The following MAPRE2 variants were observed in gnomAD, a reference collection of about 807,000 sequenced individuals.
The protein encoded by MAPRE2 is microtubule-associated protein RP/EB family member 2.
MAPRE2 carries 13 observed loss-of-function variants against 43.2 expected under a neutral mutation model. The ratio of observed to expected loss-of-function variants is 0.30; its 90% confidence interval spans 0.20 to 0.48. The LOEUF (loss-of-function observed/expected upper bound fraction) is 0.48. MAPRE2 is among the 20% of genes least tolerant of loss of function. The pLI is 0.99. For synonymous variants in MAPRE2, 135 were observed against 148.8 expected (o/e 0.91, Z 0.68); for missense variants, 161 against 400.2 (o/e 0.40, Z 5.10).
upstream of MAPRE2, chr18:35,041,370 AGAGGGCGGGGCCGCAG>A: frequency 6.9e-7 from 1 of 1,457,300 alleles, no homozygotes. Flanking sequence ...GTCAGCTGCC[AGAGGGCGGGGCCGCAG>A]GAGGGCGGGG....
intron 6 of MAPRE2, 60 bp downstream of exon 6, chr18:35,132,250 G>A: frequency 6.5e-7 from 1 of 1,527,650 alleles, no homozygotes; most frequent in Non-Finnish European, 9.0e-7. Flanking sequence ...TCAAAACACA[G>A]TAGATCAGCA....
At chr18:35,048,448 A>T (rs1905750023) in intron 1 of MAPRE2, among the ~76,000 whole-genome samples, 1 of 151,714 alleles carries the variant, frequency 6.6e-6, no homozygotes, top group South Asian at 2.1e-4. Context: ...ATACATATGT[A>T]CACTATAGAA....
At chr18:34,993,255 C>CGTTTT (rs1389165650) in intron 1 of MAPRE2, among the ~76,000 whole-genome samples, 1 of 130,074 alleles carries the variant, frequency 7.7e-6, no homozygotes, top group African/African-American at 2.9e-5. Flanking sequence ...CCATTCCCGC[C>CGTTTT]TTTTTTTTTT....
chr18:34,996,489 T>C (rs1277581966), intron 1 of MAPRE2, among the ~76,000 whole-genome samples: 1 of 152,192 alleles, frequency 6.6e-6, no homozygotes, highest in Non-Finnish European at 1.5e-5. Context: ...GTGGCTGTTC[T>C]GTGTCTTGTT....
At chr18:35,001,101 T>C (rs1269931225) in intron 1 of MAPRE2, among the ~76,000 whole-genome samples, 1 of 152,104 alleles carries the variant, frequency 6.6e-6, no homozygotes, top group Non-Finnish European at 1.5e-5. Context: ...AAGACCCCAT[T>C]TGTAAAAATA....
At chr18:35,012,568 A>T (rs1347677548) in intron 2 of MAPRE2, among the ~76,000 whole-genome samples, 1 of 152,242 alleles carries the variant, frequency 6.6e-6, no homozygotes, top group Non-Finnish European at 1.5e-5. Flanking sequence ...GTTCAACCAT[A>T]GGTAGGAAAT....
At chr18:35,042,817 A>G (rs1279833668) in intron 1 of MAPRE2, among the ~76,000 whole-genome samples, 2 of 152,278 alleles carry the variant, frequency 1.3e-5, no homozygotes, top group East Asian at 1.9e-4. Flanking sequence ...TTCAGATGGT[A>G]TTATGGGTAG....
At chr18:35,016,473 G>A (rs1029901171) in intron 2 of MAPRE2, among the ~76,000 whole-genome samples, 3 of 151,900 alleles carry the variant, frequency 2.0e-5, no homozygotes, top group South Asian at 2.1e-4. Context: ...AGCATCTGTC[G>A]TTGGTTAACA....
chr18:35,132,034 A>G lies in MAPRE2; in HGVS notation c.753A>G (p.Val251=). ...TCTTCACTCTCACTCCCTTGCAGGT[A>G]CATTCATTAAAACTTGCCCTTGAAG... The part of the protein sequence containing the change: ...ETQVIQLNEQ[V]HSLKLALEGV... Residue 251 remains valine, a splice_region_variant and synonymous_variant, in exon 6 of 7, where the codon GTA becomes GTG. Coordinates refer to ENST00000300249, the MANE Select transcript of MAPRE2 (RefSeq NM_014268.4). 6.2e-7 allele frequency: 1 copy of G among 1,614,088 alleles called. No individual in the cohort carries two copies. Among genetic ancestry groups the G allele is most frequent in the Non-Finnish European group, 8.5e-7 (1 of 1,180,004 alleles).
chr18:35,101,593 G>A (rs557974750), intron 3 of MAPRE2, among the ~76,000 whole-genome samples: 14 of 152,040 alleles, frequency 9.2e-5, no homozygotes, highest in Non-Finnish European at 1.9e-4. Context: ...CTATGAATTC[G>A]CTTGTTTTGA....
chr18:35,077,560 A>C (rs1014622026), intron 2 of MAPRE2, among the ~76,000 whole-genome samples: 2 of 152,246 alleles, frequency 1.3e-5, no homozygotes, highest in Non-Finnish European at 2.9e-5. Context: ...AGTTGGATAC[A>C]GTTAATGAGA....
intron 1 of MAPRE2, among the ~76,000 whole-genome samples, chr18:35,056,730 T>G (rs1173829635): frequency 6.6e-6 from 1 of 152,228 alleles, no homozygotes; most frequent in East Asian, 1.9e-4. Context: ...TGTGGTAATT[T>G]CCTTTTTCTT....
At chr18:34,981,405 T>A (rs2097016136) in intron 1 of MAPRE2, among the ~76,000 whole-genome samples, 2 of 151,792 alleles carry the variant, frequency 1.3e-5, no homozygotes, top group Non-Finnish European at 1.5e-5. Flanking sequence ...CTAATCGGAT[T>A]ACTCCATATT....
chr18:35,049,987 A>G (rs964861834), intron 1 of MAPRE2, among the ~76,000 whole-genome samples: 1 of 152,212 alleles, frequency 6.6e-6, no homozygotes, highest in African/African-American at 2.4e-5. Flanking sequence ...TCCAATTTTT[A>G]TATTTGTATT....
intron 1 of MAPRE2, among the ~76,000 whole-genome samples, chr18:34,977,567 C>T (rs1292589153): frequency 6.6e-6 from 1 of 152,182 alleles, no homozygotes; most frequent in African/African-American, 2.4e-5. Context: ...GGGGGCAGAT[C>T]AGGAAGTGCA....
At chr18:35,139,756 A>AGAT (rs1910542133) in intron 6 of MAPRE2, among the ~76,000 whole-genome samples, 1 of 152,180 alleles carries the variant, frequency 6.6e-6, no homozygotes, top group Non-Finnish European at 1.5e-5. Context: ...ACATCAGGTT[A>AGAT]GTAACATAAC....
chr18:35,096,740 A>T (rs575685556), intron 2 of MAPRE2, among the ~76,000 whole-genome samples: 20 of 152,020 alleles, frequency 1.3e-4, no homozygotes, highest in Non-Finnish European at 2.2e-4. Context: ...CTTAATAATT[A>T]ATAAGTATAA....
At chr18:35,064,687 C>T (rs2150618308) in intron 1 of MAPRE2, among the ~76,000 whole-genome samples, 1 of 152,256 alleles carries the variant, frequency 6.6e-6, no homozygotes, top group Admixed American at 6.5e-5. Context: ...TAACTCAGGT[C>T]TCATTGACTC....
chr18:35,079,223 C>T (rs1248014482), intron 2 of MAPRE2, among the ~76,000 whole-genome samples: 1 of 152,174 alleles, frequency 6.6e-6, no homozygotes, highest in Non-Finnish European at 1.5e-5. Flanking sequence ...CCTGAGAGAA[C>T]TACACATCCT....
Sources: allele counts gnomAD v4.1 joint callset (sites outside exome capture counted in the v4.1 genomes callset), GRCh38; gene constraint gnomAD v4.1.1; transcripts MANE v1.5; gene names NCBI Gene and HGNC (gene_info 2026-07-23, HGNC 2026-07-21).